Variants in DOCK4 observed in about 807,000 individuals in gnomAD.
DOCK4 encodes dedicator of cytokinesis protein 4.
Under a neutral mutation model 268.1 loss-of-function variants are expected in DOCK4, and 97 were observed. That is an observed-to-expected ratio of 0.36 (90% CI 0.31 to 0.43). DOCK4 has a LOEUF of 0.43. DOCK4 is among the 20% of genes least tolerant of loss of function. The probability of loss-of-function intolerance (pLI) is 1.00; values close to 1 mark genes in which losing one functional copy is unlikely to be tolerated. For synonymous variants in DOCK4, 954 were observed against 887.2 expected, an observed-to-expected ratio of 1.08 and a Z score of -1.34; for missense variants, 2,145 against 2,455.7, an observed-to-expected ratio of 0.87 and a Z score of 2.67.
chr7:112,165,146 T>C (rs1817476905), intron 1 of DOCK4, among the ~76,000 whole-genome samples: 1 of 152,208 alleles, frequency 6.6e-6, no homozygotes, highest in Admixed American at 6.5e-5. Flanking sequence ...GTTACATGTA[T>C]ATAACATGTA....
intron 1 of DOCK4, among the ~76,000 whole-genome samples, chr7:112,129,496 C>G (rs567668516): frequency 2.0e-5 from 3 of 152,136 alleles, no homozygotes; most frequent in African/African-American, 7.2e-5. Flanking sequence ...TTGCAATGAA[C>G]TACACACACA....
At chr7:111,829,449 C>A (rs891560572) in intron 26 of DOCK4, among the ~76,000 whole-genome samples, 10 of 152,102 alleles carry the variant, frequency 6.6e-5, no homozygotes, top group African/African-American at 2.2e-4. Flanking sequence ...GTGGGTTAAG[C>A]ACCACAACTG....
chr7:112,024,888 C>G (rs1171618037), intron 1 of DOCK4, among the ~76,000 whole-genome samples: 1 of 152,182 alleles, frequency 6.6e-6, no homozygotes, highest in African/African-American at 2.4e-5. Flanking sequence ...TGATACAAAT[C>G]TTTCTGAACT....
At chr7:111,960,192 C>T (rs1198054045) in intron 8 of DOCK4, among the ~76,000 whole-genome samples, 5 of 151,476 alleles carry the variant, frequency 3.3e-5, no homozygotes, top group African/African-American at 9.7e-5. Context: ...AGTGAAACCC[C>T]GTCTCTACTA....
intron 1 of DOCK4, among the ~76,000 whole-genome samples, chr7:112,110,936 G>C (rs1227269630): frequency 2.0e-5 from 3 of 152,166 alleles, no homozygotes; most frequent in Non-Finnish European, 4.4e-5. Flanking sequence ...GAATGCACCT[G>C]TACCTCAGCA....
Position 111,956,118 on chromosome 7 carries a change from AT to A in DOCK4, c.702-10321del, listed in dbSNP as rs1452430432. On this transcript the variant is annotated intron_variant, in intron 8 of 52. Transcript: ENST00000428084. ...GCTTATCATTCTGGGAATTTATATC[AT>A]TTGATCATTGTAAACACTGTATCTT... Among the ~76,000 whole-genome samples the A allele has an allele frequency of 7.9e-5, 12 of 152,166 alleles. 1 individual carries two copies. The highest frequency in any genetic ancestry group is 1.4e-4 in the African/African-American group (6 of 41,436).
At chr7:112,128,169 C>G (rs1813417412) in intron 1 of DOCK4, among the ~76,000 whole-genome samples, 1 of 152,234 alleles carries the variant, frequency 6.6e-6, no homozygotes, top group East Asian at 1.9e-4. Flanking sequence ...CTCTCCTTCC[C>G]CAATCCTAAA....
At position 111,728,514 on chromosome 7, in the gene DOCK4, G is replaced by A. The variant is rs1446688639; in HGVS notation, c.5688C>T (p.Tyr1896=). The change falls in exon 53 of 53, where the codon TAC becomes TAT. Residue 1896 remains tyrosine (Y), a synonymous_variant. Transcript: ENST00000428084. Reference sequence around the variant, plus strand: ...CCTTGCGCACTGGCTCCTCCCCGCCGTAGCTCGGCACGGGCACCGGCACTG... The same window carrying A: ...CCTTGCGCACTGGCTCCTCCCCGCCATAGCTCGGCACGGGCACCGGCACTG... ...PVPVPVPVPS[Y]GGEEPVRKES... is the part of the protein sequence containing the mutation. 1.9e-6 allele frequency: 3 copies of A among 1,613,522 alleles called. No individual in the cohort carries two copies. Among genetic ancestry groups the A allele is most frequent in the African/African-American group, 1.3e-5 (1 of 74,934 alleles).
At chr7:111,739,969 G>A in intron 47 of DOCK4, 1 of 311,204 alleles carries the variant, frequency 3.2e-6, no homozygotes, top group South Asian at 2.4e-5. Context: ...TAAAATGTTT[G>A]CTTGCAGGAG....
At chr7:112,148,349 C>T (rs1305542409) in intron 1 of DOCK4, among the ~76,000 whole-genome samples, 2 of 152,080 alleles carry the variant, frequency 1.3e-5, no homozygotes. Flanking sequence ...ATAGAACCAA[C>T]CCCCTTTGGA....
At chr7:112,051,126 C>T (rs1274072937) in intron 1 of DOCK4, among the ~76,000 whole-genome samples, 1 of 151,816 alleles carries the variant, frequency 6.6e-6, no homozygotes. Context: ...ACACCTAGAA[C>T]AAATGAGTGG....
In DOCK4 at chr7:112,206,221, G is replaced by T; in HGVS notation, c.-83C>A. On this transcript the variant is annotated 5_prime_UTR_variant, in exon 1 of 53. The change creates a new upstream start codon in the 5' untranslated region. Transcript: ENST00000428084. Reference sequence around the variant, plus strand: ...CACAACAATGCACAGTCCCCGAGCAGCGCTGCAGTGCCGGAGCCCAGCGGC... The same window carrying T: ...CACAACAATGCACAGTCCCCGAGCATCGCTGCAGTGCCGGAGCCCAGCGGC... 7.0e-7 allele frequency: 1 copy of T among 1,437,264 alleles called. No individual in the cohort carries two copies. Among genetic ancestry groups the T allele is most frequent in the Non-Finnish European group, 9.6e-7 (1 of 1,046,646 alleles). 89.0% of individuals were successfully genotyped at this position (1,437,264 alleles called of 1,614,324 possible). A position where few individuals can be genotyped will look rare whatever the true frequency, so the allele number is the denominator to read the frequency against.
intron 1 of DOCK4, among the ~76,000 whole-genome samples, chr7:112,042,172 G>A (rs181822063): frequency 1.3e-5 from 2 of 152,200 alleles, no homozygotes; most frequent in Admixed American, 1.3e-4. Flanking sequence ...CCAGTCCTTT[G>A]ATGGAACGAA....
intron 1 of DOCK4, among the ~76,000 whole-genome samples, chr7:112,143,410 T>G: frequency 6.6e-6 from 1 of 152,250 alleles, no homozygotes; most frequent in East Asian, 1.9e-4. Flanking sequence ...CTTTGAATAT[T>G]TATAAACCAA....
intron 1 of DOCK4, among the ~76,000 whole-genome samples, chr7:112,139,735 T>C (rs1814713010): frequency 6.6e-6 from 1 of 152,106 alleles, no homozygotes; most frequent in South Asian, 2.1e-4. Context: ...CCAATGAAGA[T>C]GTACTAAAGA....
intron 1 of DOCK4, among the ~76,000 whole-genome samples, chr7:112,022,474 C>T (rs536135096): frequency 1.3e-5 from 2 of 152,330 alleles, no homozygotes; most frequent in South Asian, 2.1e-4. Flanking sequence ...CACAGAGTAG[C>T]GGTGAGGAGC....
chr7:111,897,659 A>G (rs1423283607), intron 15 of DOCK4, among the ~76,000 whole-genome samples: 1 of 152,168 alleles, frequency 6.6e-6, no homozygotes, highest in Non-Finnish European at 1.5e-5. Flanking sequence ...CAAATGCTAC[A>G]GTTCAGGGAT....
At chr7:111,879,448 G>A (rs967564911) in intron 16 of DOCK4, among the ~76,000 whole-genome samples, 1 of 152,130 alleles carries the variant, frequency 6.6e-6, no homozygotes, top group Non-Finnish European at 1.5e-5. Flanking sequence ...AGAGGGAAAA[G>A]CAAAGGGGGC....
intron 8 of DOCK4, among the ~76,000 whole-genome samples, chr7:111,949,814 G>A (rs1795910619): frequency 6.6e-6 from 1 of 152,136 alleles, no homozygotes; most frequent in Non-Finnish European, 1.5e-5. Flanking sequence ...AACGTATTTT[G>A]GAATCTTTGG....
Sources: allele counts gnomAD v4.1 joint callset (sites outside exome capture counted in the v4.1 genomes callset), GRCh38; gene constraint gnomAD v4.1.1; transcripts MANE v1.5; gene names NCBI Gene and HGNC (gene_info 2026-07-23, HGNC 2026-07-21).